The following PHACTR1 variants were observed in gnomAD, a reference collection of about 807,000 sequenced individuals.
PHACTR1 encodes the protein phosphatase and actin regulator 1.
PHACTR1 carries 16 observed loss-of-function variants against 69.2 expected under a neutral mutation model. The observed-to-expected ratio is 0.23, with a 90% CI of 0.16 to 0.35. PHACTR1 has a LOEUF of 0.35. Ranked by LOEUF, PHACTR1 falls within the 10% of genes least tolerant of loss-of-function variation. The pLI, the probability that PHACTR1 is intolerant of heterozygous loss-of-function variation, is 1.00. For missense variants in PHACTR1, 510 were observed against 734.7 expected (o/e 0.69, Z 3.54); for synonymous variants, 312 against 284.5 (o/e 1.10, Z -0.97).
Position 13,182,562 on chromosome 6 carries a change from T to C in PHACTR1, c.540T>C (p.Asn180=). The part of the protein sequence containing the change: ...SISNEEDSLE[N]GQSLSSSQLS... ...CCAATGAAGAGGACTCCCTAGAAAA[T>C]GGGCAGTCCCTGAGCTCCAGCCAGC... Residue 180 remains asparagine (N), a synonymous_variant, in exon 7 of 15, where the codon AAT becomes AAC. Coordinates refer to ENST00000332995, the MANE Select transcript of PHACTR1 (RefSeq NM_030948.6). 6.2e-7 allele frequency: 1 copy of C among 1,613,802 alleles called. No homozygotes were observed. Among genetic ancestry groups the C allele is most frequent in the Non-Finnish European group, 8.5e-7 (1 of 1,179,784 alleles).
chr6:13,120,617 C>G (rs1381173684), intron 5 of PHACTR1, among the ~76,000 whole-genome samples: 5 of 152,098 alleles, frequency 3.3e-5, no homozygotes, highest in African/African-American at 9.7e-5. Flanking sequence ...GTGGGACCTC[C>G]TTGCTTCCTT....
At chr6:12,789,946 GC>G in intron 4 of PHACTR1, among the ~76,000 whole-genome samples, 1 of 119,450 alleles carries the variant, frequency 8.4e-6, no homozygotes, top group African/African-American at 3.4e-5. Context: ...TTCTTTCACT[GC>G]CTATATCTGG....
intron 6 of PHACTR1, among the ~76,000 whole-genome samples, chr6:13,165,746 C>T (rs777572144): frequency 4.0e-5 from 6 of 151,780 alleles, no homozygotes; most frequent in African/African-American, 9.7e-5. Flanking sequence ...CAAACAGGGG[C>T]ATGGGCACCC....
Position 12,805,442 on chromosome 6 carries a change from C to A in PHACTR1, c.250+55652C>A, listed in dbSNP as rs145867043. Among the ~76,000 whole-genome samples the A allele has an allele frequency of 1.6e-4, 25 of 152,268 alleles. No individual in the cohort carries two copies. The East Asian group carries it at 4.6e-3, about 28-fold the overall frequency. ...TCAAACAATCCTCGTCACCACTCAG[C>A]AGCCTCCACTTAGTCACCTCCCTTT... On this transcript the variant is annotated intron_variant, in intron 4 of 14. Coordinates refer to ENST00000332995, the MANE Select transcript of PHACTR1 (RefSeq NM_030948.6).
intron 4 of PHACTR1, among the ~76,000 whole-genome samples, chr6:12,998,455 C>G (rs1165587372): frequency 6.6e-6 from 1 of 151,698 alleles, no homozygotes; most frequent in East Asian, 1.9e-4. Flanking sequence ...CTCATGTCTA[C>G]TTAAAGAAAA....
At chr6:12,915,333 C>T (rs1021627666) in intron 4 of PHACTR1, among the ~76,000 whole-genome samples, 2 of 151,844 alleles carry the variant, frequency 1.3e-5, no homozygotes. Context: ...ATGGCAAAAC[C>T]CTGTCTCTAC....
chr6:13,212,478 A>ACACC (rs1767002113), intron 8 of PHACTR1, among the ~76,000 whole-genome samples: 1 of 147,512 alleles, frequency 6.8e-6, no homozygotes, highest in Admixed American at 6.8e-5. Flanking sequence ...CCTCCTGCAC[A>ACACC]CACCCCTTTT....
At chr6:12,785,779 T>C (rs1316499648) in intron 4 of PHACTR1, among the ~76,000 whole-genome samples, 1 of 152,214 alleles carries the variant, frequency 6.6e-6, no homozygotes, top group Non-Finnish European at 1.5e-5. Context: ...TTGTTTATGT[T>C]ATATGTACCA....
intron 5 of PHACTR1, among the ~76,000 whole-genome samples, chr6:13,138,455 C>A (rs1393951622): frequency 6.6e-6 from 1 of 152,174 alleles, no homozygotes; most frequent in African/African-American, 2.4e-5. Flanking sequence ...TGGTGTTGAA[C>A]CTTCTCAGGC....
chr6:12,849,738 T>C (rs1582079927), intron 4 of PHACTR1, among the ~76,000 whole-genome samples: 1 of 152,144 alleles, frequency 6.6e-6, no homozygotes, highest in East Asian at 1.9e-4. Flanking sequence ...CCCCAGATAA[T>C]GAAATAATAA....
rs150778032 is a variant in PHACTR1, at chr6:12,902,624, T to C, written c.251-150741T>C. On this transcript the variant is annotated intron_variant, in intron 4 of 14. Coordinates refer to ENST00000332995, the MANE Select transcript of PHACTR1 (RefSeq NM_030948.6). Reference sequence around the variant, plus strand: ...TGTGGTATCACTTTTCTCCACATCTTTCCTAGGCTGAGGGGCATAACCTGG... The same window carrying C: ...TGTGGTATCACTTTTCTCCACATCTCTCCTAGGCTGAGGGGCATAACCTGG... 2.6e-5 allele frequency among the ~76,000 whole-genome samples: 4 copies of C among 152,318 alleles called. No individual in the cohort carries two copies. In the East Asian group the frequency reaches 7.7e-4, roughly 29 times the overall value.
At chr6:13,264,039 G>C (rs1269103195) in intron 10 of PHACTR1, among the ~76,000 whole-genome samples, 1 of 152,216 alleles carries the variant, frequency 6.6e-6, no homozygotes, top group Non-Finnish European at 1.5e-5. Context: ...CTTTGGGTTT[G>C]TGAATTTGTC....
intron 4 of PHACTR1, among the ~76,000 whole-genome samples, chr6:12,858,183 G>A (rs1484596098): frequency 6.6e-6 from 1 of 152,158 alleles, no homozygotes; most frequent in African/African-American, 2.4e-5. Context: ...ACCTCACGAG[G>A]TGACATTTAT....
chr6:13,054,583 A>T (rs1806497051), intron 5 of PHACTR1, among the ~76,000 whole-genome samples: 1 of 152,012 alleles, frequency 6.6e-6, no homozygotes. Context: ...CACTCACATC[A>T]CCTCTTCATT....
chr6:13,281,729 C>A (rs1283030795), intron 12 of PHACTR1, among the ~76,000 whole-genome samples: 2 of 152,234 alleles, frequency 1.3e-5, no homozygotes, highest in African/African-American at 4.8e-5. Flanking sequence ...AATCTCCCTG[C>A]ACTCACATTG....
At chr6:12,785,139 G>A (rs1489323998) in intron 4 of PHACTR1, among the ~76,000 whole-genome samples, 1 of 152,042 alleles carries the variant, frequency 6.6e-6, no homozygotes, top group African/African-American at 2.4e-5. Flanking sequence ...AGAAAAGGAA[G>A]ATTGAACTCC....
At chr6:13,079,271 A>T (rs570169890) in intron 5 of PHACTR1, among the ~76,000 whole-genome samples, 1 of 152,306 alleles carries the variant, frequency 6.6e-6, no homozygotes, top group South Asian at 2.1e-4. Flanking sequence ...AGATGGACAG[A>T]TACCCATGAG....
At chr6:13,148,370 G>A (rs1048137645) in intron 5 of PHACTR1, among the ~76,000 whole-genome samples, 1 of 152,056 alleles carries the variant, frequency 6.6e-6, no homozygotes, top group Admixed American at 6.6e-5. Context: ...AAAAAAATAA[G>A]GAAAGTGTTC....
Position 13,223,352 on chromosome 6 carries a change from C to T in PHACTR1, c.987-4464C>T, listed in dbSNP as rs141753833. On this transcript the variant is annotated intron_variant, in intron 8 of 14. Transcript: ENST00000332995. The stretch of plus-strand genomic sequence containing the variant: ...GCTCTATTGCAACTACTCCACTCTT[C>T]TATTTTGGTGCAAAAGCAGCCAAGG... Among the ~76,000 whole-genome samples, 51 of 152,316 alleles carry T rather than the reference C, an allele frequency of 3.3e-4. No homozygotes were observed. In the East Asian group the frequency reaches 8.7e-3, roughly 26 times the overall value.
Sources: gnomAD v4.1 joint callset for allele counts (sites outside exome capture counted in the v4.1 genomes callset) on GRCh38, gnomAD v4.1.1 for gene constraint, MANE v1.5 for transcripts, NCBI Gene and HGNC (gene_info 2026-07-23, HGNC 2026-07-21) for gene names.